Variants in RNF123 observed in about 807,000 individuals in gnomAD.
The protein encoded by RNF123 is ring finger protein 123, also known as E3 ubiquitin-protein ligase RNF123.
Under a neutral mutation model 168.5 loss-of-function variants are expected in RNF123, and 86 were observed. That is an observed-to-expected ratio of 0.51 (90% confidence interval 0.43 to 0.61). RNF123 has a LOEUF of 0.61. RNF123 is among the 20% of genes least tolerant of loss of function. RNF123 has a pLI of 0.00. For synonymous variants in RNF123, 666 were observed against 689.1 expected, an observed-to-expected ratio of 0.97 and a Z score of 0.52; for missense variants, 1,419 against 1,729.7, an observed-to-expected ratio of 0.82 and a Z score of 3.19.
At position 49,694,475 on chromosome 3, in the gene RNF123, C is replaced by G. The variant is rs570138962; in HGVS notation, c.168-2668C>G. Among the ~76,000 whole-genome samples the G allele has an allele frequency of 2.6e-5, 4 of 152,298 alleles. No individual in the cohort carries two copies. In the South Asian group the frequency reaches 8.3e-4, roughly 32 times the overall value. On this transcript the variant is annotated intron_variant, in intron 3 of 38. Coordinates refer to ENST00000327697, the MANE Select transcript of RNF123 (RefSeq NM_022064.5). ...ATACCAGTGCCCTAGTTTGGAAGGA[C>G]TTTTGCTTTTGTAAACAATGCTGTG...
At chr3:49,694,167 A>G (rs1023389058) in intron 3 of RNF123, among the ~76,000 whole-genome samples, 5 of 152,214 alleles carry the variant, frequency 3.3e-5, no homozygotes, top group African/African-American at 4.8e-5. Flanking sequence ...CTTTAAAAAA[A>G]TTTATCACCT....
chr3:49,705,713 G>T, intron 24 of RNF123, 34 bp downstream of exon 24: 1 of 1,613,412 alleles, frequency 6.2e-7, no homozygotes, highest in South Asian at 1.1e-5. Flanking sequence ...TTGGGTGGCG[G>T]GTGTTGTGCG....
intron 22 of RNF123, 69 bp from the exon 23 acceptor site, chr3:49,704,915 A>G: frequency 1.3e-6 from 2 of 1,485,118 alleles, no homozygotes; most frequent in East Asian, 2.4e-5. Flanking sequence ...CTCCCTCACA[A>G]TTCTGCAGCC....
chr3:49,700,447 G>A (rs1350455403), intron 13 of RNF123, 25 bp from the exon 14 acceptor site: 2 of 1,612,844 alleles, frequency 1.2e-6, no homozygotes, highest in East Asian at 2.2e-5. Flanking sequence ...CCCAGTCATG[G>A]CTGCCTTGGC....
chr3:49,698,508 C>A lies in RNF123; in HGVS notation c.552C>A (p.Thr184=), dbSNP rs749054554. 6.2e-7 allele frequency: 1 copy of A among 1,613,810 alleles called. No individual in the cohort carries two copies. Among genetic ancestry groups the A allele is most frequent in the Non-Finnish European group, 8.5e-7 (1 of 1,180,014 alleles). The part of the protein sequence containing the change: ...DGNRVRKWNV[T]TTNYGKAWAA... ...ACCGCGTGCGCAAGTGGAATGTGACCACAACGAATTATGGCAAGGTGAGAG... is the reference window on the plus strand; with the variant it reads ...ACCGCGTGCGCAAGTGGAATGTGACAACAACGAATTATGGCAAGGTGAGAG... The change falls in exon 8 of 39, where the codon ACC becomes ACA. Residue 184 remains threonine (T), a synonymous_variant. Coordinates refer to ENST00000327697, the MANE Select transcript of RNF123 (RefSeq NM_022064.5).
In RNF123 at chr3:49,699,943, G is replaced by A. The variant is rs1249348022; in HGVS notation, c.984+171G>A. ...CCTCAGTCAGTCCCCTAGGGAAACA[G>A]GGACATTGCCAACCAAGGGCATCAG... On this transcript the variant is annotated intron_variant, in intron 12 of 38. Transcript: ENST00000327697. This position sits in a 1 kb window ranked among gnomAD's most constrained non-coding sequence, Gnocchi z 4.8. The A allele has an allele frequency of 2.8e-6, 2 of 716,242 alleles. No homozygotes were observed. Among genetic ancestry groups the A allele is most frequent in the East Asian group, 2.7e-5 (1 of 36,902 alleles). 44.4% of individuals were successfully genotyped at this position (716,242 alleles called of 1,614,324 possible).
At chr3:49,707,088 CG>C (rs1363899314) in intron 26 of RNF123, among the ~76,000 whole-genome samples, 190 bp downstream of exon 26, 3 of 152,278 alleles carry the variant, frequency 2.0e-5, no homozygotes, top group African/African-American at 7.2e-5. Context: ...ACTGAGGAAG[CG>C]CAGTTTCTGG....
Position 49,717,791 on chromosome 3 carries a change from C to T in RNF123, c.3500+1314C>T, listed in dbSNP as rs1035027032. On this transcript the variant is annotated intron_variant, in intron 35 of 38. Transcript: ENST00000327697. ...TTGGGGACCACAACCCCTGTCTCTA[C>T]CAGTGAGCGAGAAGGCCCATTGTGT... 5.1e-6 allele frequency: 4 copies of T among 779,050 alleles called. No homozygotes were observed. The South Asian group carries it at 5.5e-5, about 11-fold the overall frequency. The allele number at this position is 779,050 out of a possible 1,614,324, so 48.3% of individuals were successfully genotyped here. A position where few individuals can be genotyped will look rare whatever the true frequency, so the allele number is the denominator to read the frequency against.
At chr3:49,713,126 G>A in intron 27 of RNF123, 3 of 599,124 alleles carry the variant, frequency 5.0e-6, no homozygotes, top group African/African-American at 1.9e-5. Flanking sequence ...GCGTGGCAGT[G>A]TATGTCTGGA....
intron 26 of RNF123, 133 bp from the exon 27 acceptor site, chr3:49,712,346 C>A: frequency 2.5e-6 from 2 of 804,384 alleles, no homozygotes; most frequent in African/African-American, 1.7e-5. Context: ...AGCTACTGCT[C>A]ATGCTTCCTG....
intron 3 of RNF123, among the ~76,000 whole-genome samples, chr3:49,696,149 CTTGGTACTGACCACTT>C (rs2054262967): frequency 6.6e-6 from 1 of 152,192 alleles, no homozygotes; most frequent in Non-Finnish European, 1.5e-5. Context: ...ACTAGGTGGC[CTTGGTACTGACCACTT>C]TGGGAACCAG....
At chr3:49,701,117 C>T (rs1180342043) in intron 15 of RNF123, among the ~76,000 whole-genome samples, 1 of 152,254 alleles carries the variant, frequency 6.6e-6, no homozygotes, top group African/African-American at 2.4e-5. Flanking sequence ...GCTGGGAAGC[C>T]TCAGCTTGTA....
intron 20 of RNF123, 33 bp downstream of exon 20, chr3:49,702,786 C>T (rs1042916718): frequency 6.2e-7 from 1 of 1,613,550 alleles, no homozygotes; most frequent in African/African-American, 1.3e-5. Context: ...GTCAGTGAGG[C>T]TGGACAGAGC....
intron 26 of RNF123, among the ~76,000 whole-genome samples, chr3:49,711,498 C>A (rs2080144545): frequency 6.6e-6 from 1 of 152,206 alleles, no homozygotes; most frequent in Non-Finnish European, 1.5e-5. Flanking sequence ...CAGCCCCTCA[C>A]CAGACACAGT....
intron 35 of RNF123, 108 bp from the exon 36 acceptor site, chr3:49,720,403 G>T: frequency 9.0e-7 from 1 of 1,116,434 alleles, no homozygotes; most frequent in South Asian, 2.1e-5. Context: ...AAAGGATGCA[G>T]GGGGGGTGAT....
Position 49,718,354 on chromosome 3 carries a change from A to G in RNF123, c.3500+1877A>G, listed in dbSNP as rs753941544. 24 of 1,613,386 alleles carry G rather than the reference A, an allele frequency of 1.5e-5. No homozygotes were observed. In the South Asian group the frequency reaches 2.4e-4, roughly 16 times the overall value. ...CTCGGGCTCTGGGCGCGGAAAGTGC[A>G]CGCTCACGTTGTACTCGTGCGTCTG... On this transcript the variant is annotated intron_variant, in intron 35 of 38. Coordinates refer to ENST00000327697, the MANE Select transcript of RNF123 (RefSeq NM_022064.5).
At chr3:49,701,446 C>T in intron 15 of RNF123, 45 bp from the exon 16 acceptor site, 1 of 1,472,008 alleles carries the variant, frequency 6.8e-7, no homozygotes, top group Non-Finnish European at 9.5e-7. Context: ...TGAGGGTGTG[C>T]AGAGTGCCCT....
At position 49,721,196 on chromosome 3, in the gene RNF123, A is replaced by G. The variant is rs751080607; in HGVS notation, c.3836A>G (p.Asn1279Ser). Residue 1279 changes from asparagine to serine, a missense_variant, in exon 39 of 39, where the codon AAC becomes AGC. Asn to Ser is a conservative substitution (Grantham distance 46). Around this residue, in one of 5 missense-constraint regions of RNF123, gnomAD observed 50 missense variants for 77.2 expected, o/e 0.65. Transcript: ENST00000327697. The stretch of plus-strand genomic sequence containing the variant: ...CTCCCCTGTTGTAGAGCCTGTATCA[A>G]CCAGCACCTGATGAACAACAAGGAC... ...CGHKSCKACI[N>S]QHLMNNKDCF... 2 of 1,614,226 alleles carry G rather than the reference A, an allele frequency of 1.2e-6. No homozygotes were observed. The highest frequency in any genetic ancestry group is 1.3e-5 in the African/African-American group (1 of 75,062).
At chr3:49,714,022 G>A in intron 30 of RNF123, 25 bp downstream of exon 30, 1 of 1,613,958 alleles carries the variant, frequency 6.2e-7, no homozygotes. Flanking sequence ...AGGGGAAGTG[G>A]CTGAGGCTGG....
Sources: allele counts gnomAD v4.1 joint callset (sites outside exome capture counted in the v4.1 genomes callset), GRCh38; gene constraint gnomAD v4.1.1; regional missense constraint gnomAD v4.1.1; non-coding constraint Gnocchi (gnomAD v3.1); transcripts MANE v1.5; gene names NCBI Gene and HGNC (gene_info 2026-07-23, HGNC 2026-07-21).